Variants in PACS1 observed in about 807,000 individuals in gnomAD.
PACS1 encodes PACS-1.
A neutral mutation model predicts 115.0 loss-of-function variants in PACS1; 24 were observed. The ratio of observed to expected loss-of-function variants is 0.21; its 90% confidence interval spans 0.15 to 0.29. The LOEUF (loss-of-function observed/expected upper bound fraction) is 0.29. Among genes scored for constraint, PACS1 ranks in the 10% least tolerant of loss-of-function variants. The pLI is 1.00. For missense variants in PACS1, 838 were observed against 1,251.2 expected, an observed-to-expected ratio of 0.67 and a Z score of 4.98; for synonymous variants, 453 against 504.5, an observed-to-expected ratio of 0.90 and a Z score of 1.37.
chr11:66,166,677 A>G (rs1369143908), intron 1 of PACS1, among the ~76,000 whole-genome samples: 1 of 150,484 alleles, frequency 6.6e-6, no homozygotes, highest in Admixed American at 6.6e-5. Flanking sequence ...ATTCACTTTC[A>G]TTGCTGGATC....
Position 66,180,076 on chromosome 11 carries a change from AGG to A in PACS1, c.357-13409_357-13408del, listed in dbSNP as rs1859965709. On this transcript the variant is annotated intron_variant, in intron 1 of 23. Transcript: ENST00000320580. ...AAGCTGGTCTCAAACTCCTGATCTC[AGG>A]TGATCCGCCTGCCTCAGCCTCCCAA... Among the ~76,000 whole-genome samples, 6 of 152,182 alleles carry A rather than the reference AGG, an allele frequency of 3.9e-5. No homozygotes were observed. In the South Asian group the frequency reaches 1.2e-3, roughly 32 times the overall value.
intron 1 of PACS1, among the ~76,000 whole-genome samples, chr11:66,181,222 T>A (rs1860003086): frequency 1.3e-5 from 2 of 151,376 alleles, no homozygotes; most frequent in African/African-American, 4.9e-5. Context: ...TTATTTTTTA[T>A]TTTTTTTGAG....
At chr11:66,242,412 A>G (rs1855833537) in intron 22 of PACS1, among the ~76,000 whole-genome samples, 1 of 152,206 alleles carries the variant, frequency 6.6e-6, no homozygotes, top group South Asian at 2.1e-4. Context: ...GCCAAAACCC[A>G]CGGCCTGCAG....
At chr11:66,193,447 C>A in intron 1 of PACS1, 39 bp from the exon 2 acceptor site, 1 of 1,402,370 alleles carries the variant, frequency 7.1e-7, no homozygotes, top group Non-Finnish European at 1.0e-6. Flanking sequence ...CTCGCAAGTT[C>A]CTCGCATATG....
At chr11:66,157,225 C>G (rs767844406) in intron 1 of PACS1, among the ~76,000 whole-genome samples, 1 of 152,156 alleles carries the variant, frequency 6.6e-6, no homozygotes, top group Non-Finnish European at 1.5e-5. Flanking sequence ...AAGGAATTTT[C>G]TTTTAAAAAA....
intron 14 of PACS1, among the ~76,000 whole-genome samples, chr11:66,232,758 T>G (rs1163567703): frequency 6.6e-6 from 1 of 151,690 alleles, no homozygotes; most frequent in African/African-American, 2.4e-5. Flanking sequence ...TTCCCATCTC[T>G]CACACTCTGC....
chr11:66,088,391 G>A (rs975005066), intron 1 of PACS1, among the ~76,000 whole-genome samples: 48 of 151,946 alleles, frequency 3.2e-4, no homozygotes, highest in East Asian at 5.8e-4. Context: ...GTTTGCCTTC[G>A]ACATTTAGAG....
At chr11:66,234,441 T>C (rs1476143131) in intron 17 of PACS1, among the ~76,000 whole-genome samples, 199 bp downstream of exon 17, 2 of 152,202 alleles carry the variant, frequency 1.3e-5, no homozygotes, top group African/African-American at 4.8e-5. Flanking sequence ...CCAGTTTTCA[T>C]CCTCTGCTAT....
At chr11:66,169,721 T>A (rs375468751) in intron 1 of PACS1, among the ~76,000 whole-genome samples, 1 of 150,132 alleles carries the variant, frequency 6.7e-6, no homozygotes, top group Admixed American at 6.6e-5. Context: ...GGCTATTTTT[T>A]AAATACATTA....
intron 2 of PACS1, among the ~76,000 whole-genome samples, chr11:66,201,820 G>A (rs553750755): frequency 5.9e-5 from 9 of 151,814 alleles, no homozygotes; most frequent in African/African-American, 9.7e-5. Context: ...CCACCATCGC[G>A]GCTAATTTTT....
At chr11:66,211,111 C>T (rs750651326) in intron 3 of PACS1, 23 bp from the exon 4 acceptor site, 37 of 1,612,004 alleles carry the variant, frequency 2.3e-5, no homozygotes, top group Non-Finnish European at 3.0e-5. Context: ...TAACCACGCT[C>T]GACTCTGTTT....
intron 1 of PACS1, among the ~76,000 whole-genome samples, chr11:66,181,214 A>AT (rs1353129777): frequency 2.4e-4 from 35 of 147,034 alleles, no homozygotes; most frequent in African/African-American, 8.5e-4. Context: ...TTAATTTTTT[A>AT]TTTTTTATTT....
At chr11:66,149,090 C>CTTT (rs10717909) in intron 1 of PACS1, among the ~76,000 whole-genome samples, 4 of 98,128 alleles carry the variant, frequency 4.1e-5, no homozygotes, top group Admixed American at 1.2e-4. Flanking sequence ...TGCACACGCA[C>CTTT]TTTTTTTTTT....
chr11:66,087,695 T>C (rs1410356921), intron 1 of PACS1, among the ~76,000 whole-genome samples: 1 of 152,218 alleles, frequency 6.6e-6, no homozygotes, highest in African/African-American at 2.4e-5. Flanking sequence ...TTGATGGCTA[T>C]ATGGGAGATT....
At position 66,243,407 on chromosome 11, in the gene PACS1, C is replaced by G; in HGVS notation, c.*127C>G. The G allele has an allele frequency of 1.5e-6, 1 of 668,390 alleles. No individual in the cohort carries two copies. The highest frequency in any genetic ancestry group is 2.6e-6 in the Non-Finnish European group (1 of 382,782). 41.4% of individuals were successfully genotyped at this position (668,390 alleles called of 1,614,324 possible). ...GCACCAGGGTCTGCCTCTCACTCGC[C>G]CAGGTCCCGAAGGACACTGCCACAG... is the stretch of plus-strand genomic sequence containing the variant. On this transcript the variant is annotated 3_prime_UTR_variant, in exon 24 of 24. Transcript: ENST00000320580.
chr11:66,211,107 C>T lies in PACS1; in HGVS notation c.535-27C>T, dbSNP rs375510393. The stretch of plus-strand genomic sequence containing the variant: ...CAAGGACCCAGCTGCCCATTAACCA[C>T]GCTCGACTCTGTTTTGTATTTCGTA... On this transcript the variant is annotated intron_variant, in intron 3 of 23. Transcript: ENST00000320580. 137 of 1,611,814 alleles carry T rather than the reference C, an allele frequency of 8.5e-5. No individual in the cohort carries two copies. In the African/African-American group the frequency reaches 1.0e-3, roughly 12 times the overall value.
intron 1 of PACS1, among the ~76,000 whole-genome samples, chr11:66,135,117 T>C (rs1162874844): frequency 6.6e-6 from 1 of 152,036 alleles, no homozygotes; most frequent in Non-Finnish European, 1.5e-5. Flanking sequence ...GGAGGATGGC[T>C]TGAACCCGGG....
At chr11:66,084,186 GAA>G (rs1857530377) in intron 1 of PACS1, 1 of 152,260 alleles carries the variant, frequency 6.6e-6, no homozygotes, top group African/African-American at 2.4e-5. Context: ...AGGTGGTCTA[GAA>G]AGACCTCAGA....
In PACS1 at chr11:66,241,505, G is replaced by A. The variant is rs780652481; in HGVS notation, c.2508G>A (p.Arg836=). The change falls in exon 22 of 24, where the codon AGG becomes AGA. Residue 836 remains arginine (R), a synonymous_variant. Coordinates refer to ENST00000320580, the MANE Select transcript of PACS1 (RefSeq NM_018026.4). ...TGGGCCACCCCGGGGAGCGGAGGAG[G>A]GAAGGCGACAAGAGGGACGCCAGCT... ...YWLGHPGERR[R]EGDKRDASSK... 14 of 1,613,864 alleles carry A rather than the reference G, an allele frequency of 8.7e-6. No homozygotes were observed. Among genetic ancestry groups the A allele is most frequent in the Non-Finnish European group, 1.1e-5 (13 of 1,179,978 alleles).
Sources: allele counts gnomAD v4.1 joint callset (sites outside exome capture counted in the v4.1 genomes callset), GRCh38; gene constraint gnomAD v4.1.1; transcripts MANE v1.5; gene names NCBI Gene and HGNC (gene_info 2026-07-23, HGNC 2026-07-21).